The following NRXN3 variants were observed in gnomAD, a reference collection of about 807,000 sequenced individuals.
NRXN3 encodes the protein neurexin III.
Under a neutral mutation model 137.6 loss-of-function variants are expected in NRXN3, and 32 were observed. The observed-to-expected ratio is 0.23, with a 90% CI of 0.18 to 0.31. NRXN3 has a LOEUF of 0.31. Ranked by LOEUF, NRXN3 falls within the 10% of genes least tolerant of loss-of-function variation. The pLI, the probability that NRXN3 is intolerant of heterozygous loss-of-function variation, is 1.00. For synonymous variants in NRXN3, 798 were observed against 784.5 expected (o/e 1.02, Z -0.29); for missense variants, 1,574 against 2,062.5 (o/e 0.76, Z 4.59).
At chr14:78,439,426 A>G (rs923610893) in intron 4 of NRXN3, among the ~76,000 whole-genome samples, 4 of 152,192 alleles carry the variant, frequency 2.6e-5, no homozygotes, top group African/African-American at 7.2e-5. Context: ...TGTGCCAGGC[A>G]TTGTTTAGCG....
chr14:78,917,696 C>T lies in NRXN3; in HGVS notation c.2276-39546C>T, dbSNP rs1449042122. On this transcript the variant is annotated intron_variant, in intron 10 of 20. Coordinates refer to ENST00000335750, the MANE Select transcript of NRXN3 (RefSeq NM_001330195.2). ...CCTGACCTGGAGCACCCAGGAATGA[C>T]TGTCCTTTGTGCACAGGTGATAGAC... 2.6e-5 allele frequency among the ~76,000 whole-genome samples: 4 copies of T among 152,040 alleles called. No homozygotes were observed. The South Asian group carries it at 6.2e-4, about 24-fold the overall frequency.
intron 4 of NRXN3, among the ~76,000 whole-genome samples, chr14:78,624,946 A>T (rs966104543): frequency 2.0e-5 from 3 of 152,164 alleles, no homozygotes; most frequent in Non-Finnish European, 4.4e-5. Context: ...GGTTCAAGCG[A>T]TTCTCTTGCC....
intron 15 of NRXN3, among the ~76,000 whole-genome samples, chr14:79,331,590 C>A (rs1051834156): frequency 2.0e-5 from 3 of 152,092 alleles, no homozygotes; most frequent in African/African-American, 7.2e-5. Flanking sequence ...TTATGGGCAA[C>A]CCTGAATCTG....
At chr14:78,278,740 C>A in intron 3 of NRXN3, 78 bp downstream of exon 3, 1 of 1,220,238 alleles carries the variant, frequency 8.2e-7, no homozygotes. Context: ...CTGAGTGAGA[C>A]TTTTATAGAG....
intron 15 of NRXN3, among the ~76,000 whole-genome samples, chr14:79,107,354 G>T (rs2052639364): frequency 6.6e-6 from 1 of 152,098 alleles, no homozygotes; most frequent in African/African-American, 2.4e-5. Context: ...TGAACTTTGA[G>T]GGGGATTAAT....
intron 11 of NRXN3, among the ~76,000 whole-genome samples, chr14:78,961,971 C>CGATGAATAT (rs2099409003): frequency 6.6e-6 from 1 of 152,110 alleles, no homozygotes; most frequent in Non-Finnish European, 1.5e-5. Flanking sequence ...ATATATTACC[C>CGATGAATAT]ATGAATTAGA....
intron 16 of NRXN3, among the ~76,000 whole-genome samples, chr14:79,601,064 A>ATTTTT (rs2097917065): frequency 2.6e-5 from 1 of 38,198 alleles, no homozygotes. Flanking sequence ...TTTTTTTTTG[A>ATTTTT]GATGGAGTCT....
chr14:79,412,859 A>G (rs1408348789), intron 15 of NRXN3, among the ~76,000 whole-genome samples: 1 of 151,540 alleles, frequency 6.6e-6, no homozygotes, highest in African/African-American at 2.4e-5. Context: ...TAAAATAAGA[A>G]GGGGCTAATA....
At chr14:78,336,263 T>C (rs1478522673) in intron 4 of NRXN3, among the ~76,000 whole-genome samples, 1 of 152,202 alleles carries the variant, frequency 6.6e-6, no homozygotes, top group Non-Finnish European at 1.5e-5. Context: ...TTGGAATTGG[T>C]CTGATTATCT....
rs150900378 is a variant in NRXN3, at chr14:78,290,506, C to T, written c.728-7325C>T. 4.0e-4 allele frequency among the ~76,000 whole-genome samples: 61 copies of T among 152,242 alleles called. 2 individuals are homozygous for T. The highest frequency in any genetic ancestry group is 1.4e-3 in the African/African-American group (59 of 41,532). On this transcript the variant is annotated intron_variant, in intron 3 of 20. Transcript: ENST00000335750. Reference sequence around the variant, plus strand: ...GTCTGAGACAAAATTATGGATTTCACCTGTAATCGCAACTACTCAGGAGGC... The same window carrying T: ...GTCTGAGACAAAATTATGGATTTCATCTGTAATCGCAACTACTCAGGAGGC...
chr14:78,206,742 G>T lies in NRXN3; in HGVS notation c.-703-35649G>T, dbSNP rs555715281. On this transcript the variant is annotated intron_variant, in intron 1 of 20. Coordinates refer to ENST00000335750, the MANE Select transcript of NRXN3 (RefSeq NM_001330195.2). ...ATGGTCCCGTTTCATAACTGGCAGG[G>T]ATGTTGGAGATTATGGAGTCCAAAC... is the stretch of plus-strand genomic sequence containing the variant. 7.2e-5 allele frequency among the ~76,000 whole-genome samples: 11 copies of T among 152,266 alleles called. No homozygotes were observed. In the East Asian group the frequency reaches 2.1e-3, roughly 29 times the overall value.
At chr14:79,514,194 C>T (rs940901112) in intron 16 of NRXN3, among the ~76,000 whole-genome samples, 15 of 150,410 alleles carry the variant, frequency 1.0e-4, no homozygotes, top group Admixed American at 3.3e-4. Flanking sequence ...CCCCTCCCCC[C>T]GCTCCCCACC....
chr14:78,509,490 T>C (rs141553179), intron 4 of NRXN3, among the ~76,000 whole-genome samples: 1 of 152,198 alleles, frequency 6.6e-6, no homozygotes, highest in Non-Finnish European at 1.5e-5. Context: ...TTTGTAATCA[T>C]TTTTCTCTTT....
At chr14:78,540,469 G>A (rs911753971) in intron 4 of NRXN3, among the ~76,000 whole-genome samples, 193 of 125,506 alleles carry the variant, frequency 1.5e-3, no homozygotes, top group Non-Finnish European at 2.7e-3. Flanking sequence ...CATTTGCTTG[G>A]TAGATCTTCC....
chr14:78,663,384 A>T (rs1185977117), intron 6 of NRXN3, among the ~76,000 whole-genome samples: 1 of 152,148 alleles, frequency 6.6e-6, no homozygotes, highest in African/African-American at 2.4e-5. Flanking sequence ...CTTGCCATTG[A>T]TTGTTCTGAG....
intron 19 of NRXN3, among the ~76,000 whole-genome samples, chr14:79,774,727 C>G (rs550410266): frequency 6.6e-6 from 1 of 152,216 alleles, no homozygotes; most frequent in East Asian, 1.9e-4. Context: ...CATGCAGATT[C>G]TAGATATTAT....
intron 8 of NRXN3, among the ~76,000 whole-genome samples, chr14:78,756,936 A>C (rs2098671240): frequency 6.6e-6 from 1 of 152,196 alleles, no homozygotes; most frequent in Admixed American, 6.5e-5. Context: ...TAAGTGTTTA[A>C]CAGGCTGTTT....
chr14:78,576,466 A>G (rs911585073), intron 4 of NRXN3, among the ~76,000 whole-genome samples: 3 of 152,192 alleles, frequency 2.0e-5, no homozygotes, highest in African/African-American at 7.2e-5. Context: ...CCATAAGCTC[A>G]CTACCCAGAG....
At chr14:78,475,323 T>C (rs919771266) in intron 4 of NRXN3, among the ~76,000 whole-genome samples, 1 of 152,214 alleles carries the variant, frequency 6.6e-6, no homozygotes, top group Non-Finnish European at 1.5e-5. Context: ...GCTGCTTGCA[T>C]CAGGCTTACA....
Sources: allele counts gnomAD v4.1 joint callset (sites outside exome capture counted in the v4.1 genomes callset), GRCh38; gene constraint gnomAD v4.1.1; transcripts MANE v1.5; gene names NCBI Gene and HGNC (gene_info 2026-07-23, HGNC 2026-07-21).